Variants in RGS7BP observed in about 807,000 individuals in gnomAD.
RGS7BP encodes the protein regulator of G protein signaling 7 binding protein, also known as regulator of G protein signaling 7-binding protein.
A neutral mutation model predicts 31.3 loss-of-function variants in RGS7BP; 9 were observed. The observed-to-expected ratio is 0.29, with a 90% confidence interval of 0.17 to 0.50. The LOEUF (loss-of-function observed/expected upper bound fraction) is 0.50. Among genes scored for constraint, RGS7BP ranks in the 20% least tolerant of loss-of-function variants. The pLI, the probability that RGS7BP is intolerant of heterozygous loss-of-function variation, is 0.98. For missense variants in RGS7BP, 274 were observed against 322.0 expected, an observed-to-expected ratio of 0.85 and a Z score of 1.14; for synonymous variants, 115 against 120.1, an observed-to-expected ratio of 0.96 and a Z score of 0.28.
chr5:64,507,978 GA>G, intron 2 of RGS7BP, 101 bp downstream of exon 2: 3 of 1,024,644 alleles, frequency 2.9e-6, no homozygotes, highest in Middle Eastern at 2.8e-4. Context: ...CCACATATTT[GA>G]GATTTTAACC....
At chr5:64,517,389 T>G (rs1749004636) in intron 2 of RGS7BP, among the ~76,000 whole-genome samples, 1 of 152,202 alleles carries the variant, frequency 6.6e-6, no homozygotes, top group Non-Finnish European at 1.5e-5. Context: ...GAATGGATAT[T>G]GGGAAACAAC....
At chr5:64,597,258 C>T (rs923027292) in intron 4 of RGS7BP, among the ~76,000 whole-genome samples, 2 of 152,014 alleles carry the variant, frequency 1.3e-5, no homozygotes, top group Non-Finnish European at 2.9e-5. Context: ...GAGATGGCTT[C>T]CTGCTTTACA....
chr5:64,563,135 T>C (rs552963306), intron 2 of RGS7BP, among the ~76,000 whole-genome samples: 56 of 151,984 alleles, frequency 3.7e-4, no homozygotes, highest in Non-Finnish European at 7.4e-4. Context: ...CATTCCTTGA[T>C]TACTTTAAAG....
chr5:64,523,738 A>T (rs1360022394), intron 2 of RGS7BP, among the ~76,000 whole-genome samples: 1 of 152,228 alleles, frequency 6.6e-6, no homozygotes, highest in Non-Finnish European at 1.5e-5. Context: ...TGAAGACCAA[A>T]TCTTTTTAAT....
At chr5:64,540,719 T>C in intron 2 of RGS7BP, among the ~76,000 whole-genome samples, 1 of 152,178 alleles carries the variant, frequency 6.6e-6, no homozygotes, top group East Asian at 1.9e-4. Context: ...GGGGGAACTC[T>C]TGTGAAGGAT....
intron 4 of RGS7BP, among the ~76,000 whole-genome samples, chr5:64,595,741 A>G (rs1743047340): frequency 6.6e-6 from 1 of 152,170 alleles, no homozygotes; most frequent in Non-Finnish European, 1.5e-5. Context: ...AGGTTAAGTC[A>G]CTGACAACAT....
intron 2 of RGS7BP, among the ~76,000 whole-genome samples, chr5:64,513,371 T>TG (rs908583572): frequency 2.0e-5 from 3 of 152,132 alleles, no homozygotes; most frequent in African/African-American, 4.8e-5. Context: ...TGCCTTTTTC[T>TG]GGGGGGGTTG....
chr5:64,529,947 C>G (rs953248396), intron 2 of RGS7BP, among the ~76,000 whole-genome samples: 1 of 152,226 alleles, frequency 6.6e-6, no homozygotes, highest in Non-Finnish European at 1.5e-5. Context: ...TTCTATACTT[C>G]TATACTTCAG....
chr5:64,515,829 A>G (rs1748958438), intron 2 of RGS7BP, among the ~76,000 whole-genome samples: 1 of 151,114 alleles, frequency 6.6e-6, no homozygotes, highest in Non-Finnish European at 1.5e-5. Flanking sequence ...TTAGCAAATA[A>G]TAATAATTAT....
chr5:64,556,417 C>CCA (rs10624566), intron 2 of RGS7BP, among the ~76,000 whole-genome samples: 18,917 of 125,194 alleles, frequency 0.15, 1,594 homozygotes, highest in East Asian at 0.25. Context: ...TCTTCCCCAG[C>CCA]CACACACACA....
intron 3 of RGS7BP, among the ~76,000 whole-genome samples, chr5:64,593,913 T>G (rs1742989805): frequency 6.6e-6 from 1 of 152,164 alleles, no homozygotes; most frequent in Admixed American, 6.5e-5. Context: ...ATAAAAGACA[T>G]TAAGAGATTG....
chr5:64,582,799 C>T (rs1391974909), intron 3 of RGS7BP, among the ~76,000 whole-genome samples: 1 of 152,030 alleles, frequency 6.6e-6, no homozygotes, highest in African/African-American at 2.4e-5. Context: ...AAAATATGAG[C>T]AGTAAAAACT....
Position 64,610,506 on chromosome 5 carries a change from A to G in RGS7BP, c.*1254A>G, listed in dbSNP as rs1743474329. 6.6e-6 allele frequency: 1 copy of G among 151,894 alleles called. No individual in the cohort carries two copies. Among genetic ancestry groups the G allele is most frequent in the Non-Finnish European group, 1.5e-5 (1 of 67,898 alleles). 9.4% of individuals were successfully genotyped at this position (151,894 alleles called of 1,614,324 possible). ...TTTTCTTGTTTTCCATAGTCTGAAAAACCTTCAAGTCAGACAGGAGGCACC... is the reference window on the plus strand; with the variant it reads ...TTTTCTTGTTTTCCATAGTCTGAAAGACCTTCAAGTCAGACAGGAGGCACC... On this transcript the variant is annotated 3_prime_UTR_variant, in exon 6 of 6. Coordinates refer to ENST00000334025, the MANE Select transcript of RGS7BP (RefSeq NM_001029875.3).
rs4492074 is a variant in RGS7BP at position 64,599,032 on chromosome 5, C to G, written c.682+597C>G. Among the ~76,000 whole-genome samples the G allele has an allele frequency of 2.3e-3, 353 of 152,238 alleles. 1 individual carries two copies. Among genetic ancestry groups the G allele is most frequent in the Non-Finnish European group, 2.8e-3 (190 of 68,026 alleles). On this transcript the variant is annotated intron_variant, in intron 5 of 5. Transcript: ENST00000334025. Reference sequence around the variant, plus strand: ...GGTCTATCCTATGGGAGTATATGCCCTAATGCACAAATGAGAGGGAGATGT... The same window carrying G: ...GGTCTATCCTATGGGAGTATATGCCGTAATGCACAAATGAGAGGGAGATGT...
chr5:64,566,289 C>T (rs549096615), intron 2 of RGS7BP, among the ~76,000 whole-genome samples: 6 of 152,094 alleles, frequency 3.9e-5, no homozygotes, highest in South Asian at 2.1e-4. Flanking sequence ...ATAATTTAAA[C>T]GAGGGGCACA....
At chr5:64,577,043 A>G (rs141746685) in intron 3 of RGS7BP, among the ~76,000 whole-genome samples, 1 of 151,386 alleles carries the variant, frequency 6.6e-6, no homozygotes, top group African/African-American at 2.4e-5. Context: ...GGAAGGAAAA[A>G]GAAAGATATT....
At chr5:64,601,565 C>T (rs991026662) in intron 5 of RGS7BP, 5 of 393,198 alleles carry the variant, frequency 1.3e-5, no homozygotes, top group South Asian at 1.0e-4. Flanking sequence ...AAGAGATGCA[C>T]GAAAGAAAAG....
intron 2 of RGS7BP, among the ~76,000 whole-genome samples, chr5:64,518,929 A>C (rs1191526420): frequency 6.6e-6 from 1 of 152,096 alleles, no homozygotes; most frequent in Non-Finnish European, 1.5e-5. Context: ...GGCCCTTCTT[A>C]AAAGAGTTTC....
intron 2 of RGS7BP, among the ~76,000 whole-genome samples, chr5:64,567,949 T>C (rs1052720267): frequency 3.9e-5 from 6 of 152,000 alleles, no homozygotes; most frequent in African/African-American, 9.7e-5. Context: ...CAGGTGAAAA[T>C]AGTAAGCATC....
Sources: allele counts gnomAD v4.1 joint callset (sites outside exome capture counted in the v4.1 genomes callset), GRCh38; gene constraint gnomAD v4.1.1; transcripts MANE v1.5; gene names NCBI Gene and HGNC (gene_info 2026-07-23, HGNC 2026-07-21).